The following MED13L variants were observed in gnomAD, a reference collection of about 807,000 sequenced individuals.
MED13L encodes mediator of RNA polymerase II transcription subunit 13-like.
MED13L carries 7 observed loss-of-function variants against 220.9 expected under a neutral mutation model. The observed-to-expected ratio is 0.03, with a 90% CI of 0.02 to 0.06. The LOEUF (loss-of-function observed/expected upper bound fraction) is 0.06, where lower values mean the gene tolerates loss of function less well. Among genes scored for constraint, MED13L ranks in the 10% least tolerant of loss-of-function variants. MED13L has a pLI of 1.00. For synonymous variants in MED13L, 1,011 were observed against 1,015.2 expected, an observed-to-expected ratio of 1.00 and a Z score of 0.08; for missense variants, 1,965 against 2,760.5, an observed-to-expected ratio of 0.71 and a Z score of 6.46.
intron 3 of MED13L, among the ~76,000 whole-genome samples, chr12:116,102,710 CTTTTTTTTTTT>C (rs869201518): frequency 2.0e-4 from 14 of 68,676 alleles, no homozygotes; most frequent in East Asian, 1.0e-3. Context: ...TTTCTTTTTT[CTTTTTTTTTTT>C]TTTTTTTTTT....
intron 2 of MED13L, among the ~76,000 whole-genome samples, chr12:116,217,505 C>T (rs1194629073): frequency 6.6e-6 from 1 of 152,140 alleles, no homozygotes; most frequent in African/African-American, 2.4e-5. Flanking sequence ...CACGTCGGCC[C>T]ATGATGACAT....
intron 4 of MED13L, among the ~76,000 whole-genome samples, chr12:116,070,793 T>C (rs542926278): frequency 1.3e-5 from 2 of 152,332 alleles, no homozygotes; most frequent in South Asian, 2.1e-4. Flanking sequence ...GCTACCACTT[T>C]AGGAATTTAG....
At chr12:116,193,104 G>A (rs895776422) in intron 2 of MED13L, among the ~76,000 whole-genome samples, 1 of 152,086 alleles carries the variant, frequency 6.6e-6, no homozygotes, top group Non-Finnish European at 1.5e-5. Context: ...ACTCCAGCCT[G>A]GGCAACAGAG....
rs143038934 is a variant in MED13L, at chr12:116,023,055, A to C, written c.480-454T>G. On this transcript the variant is annotated intron_variant, in intron 4 of 30. Transcript: ENST00000281928. The stretch of plus-strand genomic sequence containing the variant: ...TCACACCTGTAACTCCAACGTTTTG[A>C]GAGGCTGAGGCAGGAGGATAACTTG... Among the ~76,000 whole-genome samples the C allele has an allele frequency of 9.1e-4, 139 of 152,298 alleles. 2 individuals are homozygous for C. Among genetic ancestry groups the C allele is most frequent in the African/African-American group, 3.2e-3 (131 of 41,562 alleles).
chr12:116,053,484 AAGG>A (rs1868683521), intron 4 of MED13L, among the ~76,000 whole-genome samples: 1 of 152,176 alleles, frequency 6.6e-6, no homozygotes, highest in South Asian at 2.1e-4. Context: ...CTTAGAAAGG[AAGG>A]CTATCCAGGA....
At chr12:116,033,846 A>G (rs1440717669) in intron 4 of MED13L, among the ~76,000 whole-genome samples, 2 of 152,204 alleles carry the variant, frequency 1.3e-5, no homozygotes, top group Non-Finnish European at 2.9e-5. Context: ...AGTACTGAAT[A>G]GCTAAACACA....
chr12:116,243,712 G>A (rs572799577), intron 1 of MED13L, among the ~76,000 whole-genome samples: 3 of 152,010 alleles, frequency 2.0e-5, no homozygotes, highest in East Asian at 3.9e-4. Context: ...ATCAAGAGAC[G>A]TTGATTAGAA....
chr12:116,021,481 G>GTTTTGAA (rs1470288511), intron 5 of MED13L, among the ~76,000 whole-genome samples: 1 of 152,100 alleles, frequency 6.6e-6, no homozygotes, highest in African/African-American at 2.4e-5. Context: ...TAAGAATTGG[G>GTTTTGAA]TTTTGAATTT....
intron 2 of MED13L, among the ~76,000 whole-genome samples, chr12:116,157,205 C>T (rs1163371059): frequency 6.6e-6 from 1 of 152,126 alleles, no homozygotes; most frequent in Non-Finnish European, 1.5e-5. Context: ...CTGTGCTATG[C>T]CTTTCATAAT....
chr12:116,172,693 T>TG (rs1175850842), intron 2 of MED13L, among the ~76,000 whole-genome samples: 1 of 152,138 alleles, frequency 6.6e-6, no homozygotes, highest in Admixed American at 6.6e-5. Flanking sequence ...ACTTTGCATC[T>TG]GCATGACTTA....
At chr12:116,269,949 GTTTTC>G (rs987211455) in intron 1 of MED13L, among the ~76,000 whole-genome samples, 1 of 150,218 alleles carries the variant, frequency 6.7e-6, no homozygotes, top group Non-Finnish European at 1.5e-5. Context: ...ATACAAGGCA[GTTTTC>G]TTTTTTTTTT....
At chr12:115,970,542 C>T (rs184798411) in intron 27 of MED13L, 52 bp downstream of exon 27, 29 of 1,579,370 alleles carry the variant, frequency 1.8e-5, no homozygotes, top group African/African-American at 2.7e-5. Flanking sequence ...TTCCATACTC[C>T]GGCTCTGCCC....
chr12:116,031,238 A>G (rs1420369537), intron 4 of MED13L, among the ~76,000 whole-genome samples: 3 of 152,134 alleles, frequency 2.0e-5, no homozygotes, highest in Non-Finnish European at 4.4e-5. Flanking sequence ...ACTGCCCTAG[A>G]TATCCAAGTC....
chr12:116,129,426 A>G (rs780809193), intron 2 of MED13L, among the ~76,000 whole-genome samples: 8 of 152,130 alleles, frequency 5.3e-5, no homozygotes, highest in African/African-American at 9.7e-5. Context: ...TTAACTTTCA[A>G]TTAGTCATAC....
chr12:116,199,733 T>G (rs1163988048), intron 2 of MED13L, among the ~76,000 whole-genome samples: 2 of 152,100 alleles, frequency 1.3e-5, no homozygotes, highest in Non-Finnish European at 2.9e-5. Flanking sequence ...GAAAAATCAT[T>G]TTTTGGTCCA....
intron 4 of MED13L, among the ~76,000 whole-genome samples, chr12:116,077,103 A>G (rs998826738): frequency 1.3e-5 from 2 of 152,196 alleles, no homozygotes; most frequent in Non-Finnish European, 2.9e-5. Flanking sequence ...CAGGCTTGTC[A>G]AAGCCCACTT....
chr12:116,259,441 T>C (rs770873588), intron 1 of MED13L, among the ~76,000 whole-genome samples: 14 of 151,960 alleles, frequency 9.2e-5, no homozygotes, highest in Non-Finnish European at 1.9e-4. Context: ...TCCAAAAACA[T>C]GTAAAAATAT....
intron 4 of MED13L, among the ~76,000 whole-genome samples, chr12:116,038,414 T>C (rs762677276): frequency 1.3e-5 from 2 of 152,128 alleles, no homozygotes; most frequent in Non-Finnish European, 2.9e-5. Context: ...AGCTCCCTAT[T>C]GCTAAACTGA....
intron 4 of MED13L, among the ~76,000 whole-genome samples, chr12:116,037,568 C>T (rs941059574): frequency 6.6e-6 from 1 of 152,148 alleles, no homozygotes; most frequent in Admixed American, 6.5e-5. Flanking sequence ...TAGCAAGCCC[C>T]ATGGTCGCTG....
Sources: allele counts gnomAD v4.1 joint callset (sites outside exome capture counted in the v4.1 genomes callset), GRCh38; gene constraint gnomAD v4.1.1; transcripts MANE v1.5; gene names NCBI Gene and HGNC (gene_info 2026-07-23, HGNC 2026-07-21).